Variants in PLEKHA6 observed in about 807,000 individuals in gnomAD.
PLEKHA6 encodes the protein pleckstrin homology domain-containing family A member 6.
In PLEKHA6, 60 loss-of-function variants were observed where a neutral mutation model predicts 116.7. The ratio of observed to expected loss-of-function variants is 0.51; its 90% confidence interval spans 0.42 to 0.64. The LOEUF (loss-of-function observed/expected upper bound fraction) is 0.64. Among genes scored for constraint, PLEKHA6 ranks in the 30% least tolerant of loss-of-function variants. PLEKHA6 has a pLI of 0.00. For missense variants in PLEKHA6, 1,338 were observed against 1,422.7 expected (o/e 0.94, Z 0.96); for synonymous variants, 489 against 556.1 (o/e 0.88, Z 1.70).
At chr1:204,367,163 G>A (rs573824068) in intron 3 of PLEKHA6, among the ~76,000 whole-genome samples, 52 of 152,154 alleles carry the variant, frequency 3.4e-4, no homozygotes, top group African/African-American at 1.1e-3. Context: ...AGCCCAAAGA[G>A]CTCTGTCTTC....
Position 204,259,151 on chromosome 1 carries a change from G to A in PLEKHA6, c.1007+107C>T, listed in dbSNP as rs948527417. The A allele has an allele frequency of 1.9e-5, 25 of 1,315,762 alleles. No homozygotes were observed. In the Middle Eastern group the frequency reaches 7.6e-4, roughly 40 times the overall value. The allele number at this position is 1,315,762 out of a possible 1,614,324, so 81.5% of individuals were successfully genotyped here. ...TTTGCTTGGTTTCCCAACTCAGCCT[G>A]CTTCCAGAAGGTTTCCAACAGGGGA... On this transcript the variant is annotated intron_variant, in intron 8 of 22. Transcript: ENST00000272203. This position sits in a 1 kb window ranked among gnomAD's most constrained non-coding sequence, Gnocchi z 4.6.
intron 12 of PLEKHA6, among the ~76,000 whole-genome samples, 184 bp downstream of exon 12, chr1:204,248,637 A>C (rs1164045625): frequency 2.0e-5 from 3 of 152,212 alleles, no homozygotes; most frequent in African/African-American, 7.2e-5. Context: ...GAATGAGCAG[A>C]CTGGCTGACT....
At chr1:204,276,637 GACACACACAC>G (rs10567692) in intron 1 of PLEKHA6, among the ~76,000 whole-genome samples, 1,723 of 136,910 alleles carry the variant, frequency 0.013, 12 homozygotes, top group Non-Finnish European at 0.019. Context: ...CACTGGCACA[GACACACACAC>G]ACACACACAC....
intron 1 of PLEKHA6, among the ~76,000 whole-genome samples, chr1:204,352,499 G>A (rs535717563): frequency 6.6e-6 from 1 of 152,330 alleles, no homozygotes; most frequent in South Asian, 2.1e-4. Context: ...GATAGCTTAG[G>A]AAACAGAGAC....
At chr1:204,289,103 C>T (rs1444006172) in intron 1 of PLEKHA6, among the ~76,000 whole-genome samples, 1 of 152,164 alleles carries the variant, frequency 6.6e-6, no homozygotes, top group Non-Finnish European at 1.5e-5. Flanking sequence ...AGAGTAAGTC[C>T]TTGCCAGGAT....
At chr1:204,369,329 G>C (rs765428460) in intron 2 of PLEKHA6, 2 of 151,996 alleles carry the variant, frequency 1.3e-5, no homozygotes, top group African/African-American at 4.8e-5. Flanking sequence ...GGAAGTGTCT[G>C]GGCCGGGATG....
At chr1:204,300,087 GA>G (rs1485683191) in intron 1 of PLEKHA6, among the ~76,000 whole-genome samples, 1 of 152,204 alleles carries the variant, frequency 6.6e-6, no homozygotes, top group Non-Finnish European at 1.5e-5. Flanking sequence ...CCATTGCCCA[GA>G]CAACAGACCA....
intron 1 of PLEKHA6, among the ~76,000 whole-genome samples, chr1:204,327,562 T>C (rs1285682761): frequency 6.6e-6 from 1 of 152,238 alleles, no homozygotes; most frequent in Non-Finnish European, 1.5e-5. Flanking sequence ...CAAGCAGACT[T>C]CCTCATCTGT....
chr1:204,273,815 C>T (rs1343553555), intron 2 of PLEKHA6, 75 bp from the exon 3 acceptor site: 1 of 971,484 alleles, frequency 1.0e-6, no homozygotes, highest in East Asian at 2.6e-5. Flanking sequence ...CCTTTTTCCA[C>T]ACCCTGCCAC....
intron 10 of PLEKHA6, among the ~76,000 whole-genome samples, chr1:204,250,255 C>A (rs1664345978): frequency 6.6e-6 from 1 of 152,216 alleles, no homozygotes; most frequent in South Asian, 2.1e-4. Context: ...GATCTCACTG[C>A]CGTAGGCAAA....
intron 1 of PLEKHA6, among the ~76,000 whole-genome samples, chr1:204,311,076 C>T (rs1174540433): frequency 7.9e-5 from 12 of 152,200 alleles, no homozygotes; most frequent in Non-Finnish European, 1.5e-5. Context: ...TCTGCCCTCC[C>T]AGCCGGTGCA....
At chr1:204,316,529 G>T (rs1671867040) in intron 1 of PLEKHA6, among the ~76,000 whole-genome samples, 2 of 152,194 alleles carry the variant, frequency 1.3e-5, no homozygotes, top group African/African-American at 4.8e-5. Flanking sequence ...ACCCAGAGCT[G>T]GCAGAGCCTC....
chr1:204,269,615 C>T (rs774037613), intron 3 of PLEKHA6, among the ~76,000 whole-genome samples: 4 of 151,810 alleles, frequency 2.6e-5, no homozygotes, highest in African/African-American at 7.3e-5. Context: ...TGCTCCTCCA[C>T]AGAGAAATTT....
intron 1 of PLEKHA6, among the ~76,000 whole-genome samples, chr1:204,342,348 C>G (rs967108258): frequency 2.0e-5 from 3 of 152,118 alleles, no homozygotes; most frequent in Non-Finnish European, 2.9e-5. Context: ...AACAAAAAAA[C>G]CTTTATTATG....
At chr1:204,283,425 G>C (rs1286283650) in intron 1 of PLEKHA6, among the ~76,000 whole-genome samples, 1 of 152,204 alleles carries the variant, frequency 6.6e-6, no homozygotes, top group African/African-American at 2.4e-5. Context: ...AGAGAGCAGA[G>C]GAAGAAAGGT....
At chr1:204,268,032 T>G (rs1183826320) in intron 4 of PLEKHA6, among the ~76,000 whole-genome samples, 176 bp downstream of exon 4, 1 of 152,120 alleles carries the variant, frequency 6.6e-6, no homozygotes, top group Non-Finnish European at 1.5e-5. Flanking sequence ...TTTTTCTGTG[T>G]GATTTTGGGA....
At chr1:204,311,996 G>A (rs1300586927) in intron 1 of PLEKHA6, among the ~76,000 whole-genome samples, 2 of 152,144 alleles carry the variant, frequency 1.3e-5, no homozygotes, top group Non-Finnish European at 2.9e-5. Flanking sequence ...AGCCAGTGCT[G>A]GATAGATGCT....
intron 1 of PLEKHA6, among the ~76,000 whole-genome samples, chr1:204,323,109 T>G (rs1023036827): frequency 6.6e-6 from 1 of 152,258 alleles, no homozygotes; most frequent in African/African-American, 2.4e-5. Flanking sequence ...TGGCAGGCAT[T>G]AACTGTGTAT....
Position 204,256,900 on chromosome 1 carries a change from A to G in PLEKHA6, c.1524+453T>C, listed in dbSNP as rs549561613. The G allele has an allele frequency of 2.7e-3, 1,705 of 631,518 alleles. 7 individuals carry two copies. Among genetic ancestry groups the G allele is most frequent in the Non-Finnish European group, 4.1e-3 (1,429 of 351,200 alleles). The allele number at this position is 631,518 out of a possible 1,614,324, so 39.1% of individuals were successfully genotyped here. ...CCCAGGTAATCATACTGGAAGAGAA[A>G]GGGATCGCAGAGGTGAGGGGTCTGG... On this transcript the variant is annotated intron_variant, in intron 9 of 22. Coordinates refer to ENST00000272203, the MANE Select transcript of PLEKHA6 (RefSeq NM_014935.5).
Sources: gnomAD v4.1 joint callset for allele counts (sites outside exome capture counted in the v4.1 genomes callset) on GRCh38, gnomAD v4.1.1 for gene constraint, Gnocchi (gnomAD v3.1) non-coding constraint, MANE v1.5 for transcripts, NCBI Gene and HGNC (gene_info 2026-07-23, HGNC 2026-07-21) for gene names.